Variants in NLGN1 observed in about 807,000 individuals in gnomAD.
NLGN1 encodes neuroligin 1.
A neutral mutation model predicts 65.5 loss-of-function variants in NLGN1; 12 were observed. The observed-to-expected ratio is 0.18, with a 90% CI of 0.12 to 0.30. The LOEUF is 0.30. Ranked by LOEUF, NLGN1 falls within the 10% of genes least tolerant of loss-of-function variation. The pLI, the probability that NLGN1 is intolerant of heterozygous loss-of-function variation, is 1.00. For synonymous variants in NLGN1, 350 were observed against 359.5 expected (o/e 0.97, Z 0.30); for missense variants, 750 against 1,007.1 (o/e 0.74, Z 3.46).
At chr3:173,760,012 G>T (rs577985198) in intron 3 of NLGN1, among the ~76,000 whole-genome samples, 1 of 151,732 alleles carries the variant, frequency 6.6e-6, no homozygotes, top group Non-Finnish European at 1.5e-5. Flanking sequence ...CTTTTCAAAC[G>T]AATTGAAATA....
intron 3 of NLGN1, among the ~76,000 whole-genome samples, chr3:173,781,915 A>C (rs1781226462): frequency 6.6e-6 from 1 of 152,158 alleles, no homozygotes; most frequent in African/African-American, 2.4e-5. Flanking sequence ...GAAAACCTTA[A>C]AGTAATTTTT....
At chr3:174,271,887 T>C (rs1200024975) in intron 4 of NLGN1, among the ~76,000 whole-genome samples, 1 of 151,734 alleles carries the variant, frequency 6.6e-6, no homozygotes, top group Non-Finnish European at 1.5e-5. Flanking sequence ...TAGCCTTAAC[T>C]CTAAAATTAC....
chr3:174,067,540 G>A lies in NLGN1; in HGVS notation c.647-207775G>A, dbSNP rs75547296. Reference sequence around the variant, plus strand: ...TTCTACCGTTACTGAGTCAGATGAAGTCTTAACTGCTGTCAACGTAGGCAG... The same window carrying A: ...TTCTACCGTTACTGAGTCAGATGAAATCTTAACTGCTGTCAACGTAGGCAG... On this transcript the variant is annotated intron_variant, in intron 4 of 6. Coordinates refer to ENST00000457714, the Ensembl canonical transcript of NLGN1. 4.6e-3 allele frequency among the ~76,000 whole-genome samples: 699 copies of A among 152,210 alleles called. 3 individuals carry two copies. Among genetic ancestry groups the A allele is most frequent in the Middle Eastern group, 0.014 (4 of 294 alleles).
At chr3:173,785,130 T>C (rs2150339066) in intron 3 of NLGN1, among the ~76,000 whole-genome samples, 1 of 152,324 alleles carries the variant, frequency 6.6e-6, no homozygotes, top group East Asian at 1.9e-4. Context: ...CTGGCTATAA[T>C]AATAGTTCAA....
chr3:173,612,126 G>A (rs1394383822), intron 3 of NLGN1, among the ~76,000 whole-genome samples: 3 of 151,894 alleles, frequency 2.0e-5, no homozygotes, highest in South Asian at 2.1e-4. Context: ...ACATGCTAAC[G>A]TAGTTTAGGA....
chr3:173,646,646 G>A, intron 3 of NLGN1, among the ~76,000 whole-genome samples: 1 of 152,042 alleles, frequency 6.6e-6, no homozygotes, highest in East Asian at 1.9e-4. Flanking sequence ...ATAAAAAGAT[G>A]TCCACTATAA....
downstream of NLGN1, among the ~76,000 whole-genome samples, chr3:174,289,805 C>T (rs545866049): frequency 6.7e-6 from 1 of 150,260 alleles, no homozygotes; most frequent in Admixed American, 6.7e-5. Flanking sequence ...GAGACATTGA[C>T]TCTCACCAAT....
intron 3 of NLGN1, among the ~76,000 whole-genome samples, chr3:173,765,890 C>T (rs1209319235): frequency 6.6e-6 from 1 of 152,036 alleles, no homozygotes; most frequent in Admixed American, 6.6e-5. Context: ...TGTCATTTAC[C>T]ACTTCTTCCC....
chr3:174,034,984 C>A (rs1013267796), intron 4 of NLGN1, among the ~76,000 whole-genome samples: 1 of 152,056 alleles, frequency 6.6e-6, no homozygotes, highest in Non-Finnish European at 1.5e-5. Flanking sequence ...TAACCCTAAT[C>A]AAAGGAAAAG....
intron 4 of NLGN1, among the ~76,000 whole-genome samples, chr3:173,966,236 C>T (rs1399564723): frequency 6.6e-6 from 1 of 152,178 alleles, no homozygotes; most frequent in Non-Finnish European, 1.5e-5. Context: ...AAGTCCACAG[C>T]TCTGCCTTTC....
At chr3:173,883,517 T>C (rs1316983305) in intron 4 of NLGN1, among the ~76,000 whole-genome samples, 1 of 152,142 alleles carries the variant, frequency 6.6e-6, no homozygotes, top group Admixed American at 6.5e-5. Context: ...GCATATGTTG[T>C]TGAAAAACCG....
At chr3:174,261,272 G>A (rs1218323336) in intron 4 of NLGN1, among the ~76,000 whole-genome samples, 1 of 149,934 alleles carries the variant, frequency 6.7e-6, no homozygotes, top group Non-Finnish European at 1.5e-5. Flanking sequence ...AAATTACCTT[G>A]GGCAGTATGG....
At chr3:174,277,423 T>C (rs1420050606) in intron 5 of NLGN1, among the ~76,000 whole-genome samples, 1 of 151,970 alleles carries the variant, frequency 6.6e-6, no homozygotes, top group Admixed American at 6.6e-5. Context: ...TTGGACATGA[T>C]GTGCCTTTCC....
At chr3:174,231,871 T>C (rs1050123967) in intron 4 of NLGN1, among the ~76,000 whole-genome samples, 1 of 152,208 alleles carries the variant, frequency 6.6e-6, no homozygotes, top group African/African-American at 2.4e-5. Context: ...TTATTTTGCC[T>C]TTCTAAGTCT....
chr3:173,419,099 A>C (rs1293007506), intron 1 of NLGN1, among the ~76,000 whole-genome samples: 4 of 91,206 alleles, frequency 4.4e-5, no homozygotes, highest in African/African-American at 1.8e-4. Flanking sequence ...ATATCTATCT[A>C]TCTATCTATA....
chr3:173,896,916 G>C (rs571983349), intron 4 of NLGN1, among the ~76,000 whole-genome samples: 2 of 152,054 alleles, frequency 1.3e-5, no homozygotes, highest in Non-Finnish European at 2.9e-5. Flanking sequence ...CCTTGAACTT[G>C]ACTGTCAATT....
chr3:174,250,121 G>A (rs1276997028), intron 4 of NLGN1, among the ~76,000 whole-genome samples: 1 of 151,844 alleles, frequency 6.6e-6, no homozygotes, highest in Non-Finnish European at 1.5e-5. Context: ...TTTTTTTCAG[G>A]ACAAAGCCCT....
intron 3 of NLGN1, among the ~76,000 whole-genome samples, chr3:173,727,407 A>C (rs1168429904): frequency 6.6e-6 from 1 of 152,106 alleles, no homozygotes; most frequent in African/African-American, 2.4e-5. Flanking sequence ...TTTCAATGCT[A>C]CTCTTGTAAA....
At chr3:173,563,970 C>T (rs999400091) in intron 2 of NLGN1, among the ~76,000 whole-genome samples, 3 of 152,222 alleles carry the variant, frequency 2.0e-5, no homozygotes, top group Admixed American at 2.0e-4. Context: ...GTTCCAGTTT[C>T]TCTCTGGATA....
Sources: allele counts gnomAD v4.1 joint callset (sites outside exome capture counted in the v4.1 genomes callset), GRCh38; gene constraint gnomAD v4.1.1; transcripts MANE v1.5; gene names NCBI Gene and HGNC (gene_info 2026-07-23, HGNC 2026-07-21).